Variants in PPP5C observed in about 807,000 individuals in gnomAD.
The protein encoded by PPP5C is protein phosphatase 5 catalytic subunit, also known as serine/threonine-protein phosphatase 5.
Under a neutral mutation model 66.7 loss-of-function variants are expected in PPP5C, and 21 were observed. The observed-to-expected ratio is 0.31, with a 90% CI of 0.22 to 0.45. The LOEUF (loss-of-function observed/expected upper bound fraction) is 0.45, where lower values mean the gene tolerates loss of function less well. Among genes scored for constraint, PPP5C ranks in the 20% least tolerant of loss-of-function variants. The pLI is 1.00. For synonymous variants in PPP5C, 246 were observed against 257.4 expected (o/e 0.96, Z 0.43); for missense variants, 464 against 675.9 (o/e 0.69, Z 3.48).
Position 46,388,894 on chromosome 19 carries a change from TG to T in PPP5C, c.1355+167del. Among the ~76,000 whole-genome samples the T allele has an allele frequency of 6.6e-6, 1 of 152,148 alleles. No individual in the cohort carries two copies. The highest frequency in any genetic ancestry group is 1.9e-4 in the East Asian group (1 of 5,170). On this transcript the variant is annotated intron_variant, in intron 11 of 12. Coordinates refer to ENST00000012443, the MANE Select transcript of PPP5C (RefSeq NM_006247.4). The surrounding 1 kb of genome is among the most constrained non-coding windows in gnomAD (Gnocchi z 4.9). ...GTGTCACCCACCCATGCAGCACCAG[TG>T]GGGCCAGCCTGTGAGTGCTGACCAG...
chr19:46,365,644 C>G (rs1972478388), intron 2 of PPP5C, among the ~76,000 whole-genome samples: 3 of 152,142 alleles, frequency 2.0e-5, no homozygotes, highest in Admixed American at 6.5e-5. Context: ...AGAGTCCTTA[C>G]TGGTCTTCTT....
intron 2 of PPP5C, among the ~76,000 whole-genome samples, chr19:46,358,914 T>C (rs1273145235): frequency 6.6e-6 from 1 of 152,198 alleles, no homozygotes; most frequent in Non-Finnish European, 1.5e-5. Flanking sequence ...CTTCGGGGGA[T>C]GAGTTTTTCT....
At chr19:46,389,401 A>AGTGTTGAGTAAGACTCCATCT in intron 11 of PPP5C, among the ~76,000 whole-genome samples, 1 of 23,378 alleles carries the variant, frequency 4.3e-5, no homozygotes, top group African/African-American at 1.2e-4. Context: ...ACACACACAC[A>AGTGTTGAGTAAGACTCCATCT]CACACACACA....
rs111815720 is a variant in PPP5C at position 46,388,678 on chromosome 19, C to T, written c.1302C>T (p.Tyr434=). 6.9e-5 allele frequency: 111 copies of T among 1,614,168 alleles called. 1 individual carries two copies. Among genetic ancestry groups the T allele is most frequent in the Admixed American group, 2.7e-4 (16 of 60,020 alleles). ...GCCACGAAGTCAAGGCCGAGGGCTA[C>T]GAGGTGGCTCACGGAGGCCGCTGTG... The part of the protein sequence containing the change: ...IRSHEVKAEG[Y]EVAHGGRCVT... Residue 434 remains tyrosine, a synonymous_variant, in exon 11 of 13, where the codon TAC becomes TAT. Transcript: ENST00000012443. The surrounding 1 kb of genome is among the most constrained non-coding windows in gnomAD (Gnocchi z 4.9).
chr19:46,360,294 A>G (rs1394991281), intron 2 of PPP5C, among the ~76,000 whole-genome samples: 2 of 152,182 alleles, frequency 1.3e-5, no homozygotes, highest in African/African-American at 4.8e-5. Flanking sequence ...AACATATATT[A>G]ATGAGACCCA....
At position 46,376,638 on chromosome 19, in the gene PPP5C, C is replaced by T. The variant is rs3764612; in HGVS notation, c.633+64C>T. 218 of 1,583,762 alleles carry T rather than the reference C, an allele frequency of 1.4e-4. No homozygotes were observed. In the East Asian group the frequency reaches 4.3e-3, roughly 31 times the overall value. On this transcript the variant is annotated intron_variant, in intron 4 of 12. Transcript: ENST00000012443. This position sits in a 1 kb window ranked among gnomAD's most constrained non-coding sequence, Gnocchi z 5.1. Reference sequence around the variant, plus strand: ...GGGATGGCATCACAGCACTGCCAGCCGCGGGCACTGAGCAAAACGACAGGA... The same window carrying T: ...GGGATGGCATCACAGCACTGCCAGCTGCGGGCACTGAGCAAAACGACAGGA...
intron 1 of PPP5C, among the ~76,000 whole-genome samples, chr19:46,349,299 A>AG (rs900558715): frequency 1.8e-4 from 27 of 152,232 alleles, no homozygotes; most frequent in Admixed American, 1.6e-3. Context: ...AGAAAAAAAA[A>AG]AAGAGAGAAG....
chr19:46,364,928 G>C (rs561208231), intron 2 of PPP5C, among the ~76,000 whole-genome samples: 22 of 151,866 alleles, frequency 1.4e-4, no homozygotes, highest in Non-Finnish European at 2.2e-4. Flanking sequence ...GGGCCGGGGC[G>C]GGGGGGCTGT....
chr19:46,360,342 G>T (rs181086506), intron 2 of PPP5C, among the ~76,000 whole-genome samples: 1 of 151,996 alleles, frequency 6.6e-6, no homozygotes, highest in South Asian at 2.1e-4. Context: ...CATTTCCTAC[G>T]TGACAATACT....
intron 1 of PPP5C, 44 bp from the exon 2 acceptor site, chr19:46,353,704 C>A: frequency 6.2e-7 from 1 of 1,610,474 alleles, no homozygotes; most frequent in South Asian, 1.1e-5. Flanking sequence ...CCTGTCCTCG[C>A]AGGGTTGGAG....
chr19:46,390,240 CTCTGT>C (rs751968051), intron 12 of PPP5C, 39 bp from the exon 13 acceptor site: 13 of 1,598,358 alleles, frequency 8.1e-6, no homozygotes, highest in South Asian at 1.1e-5. Context: ...TGCTCAGGGG[CTCTGT>C]TCTGACTTCT....
At position 46,372,965 on chromosome 19, in the gene PPP5C, A is replaced by G. The variant is rs139648668; in HGVS notation, c.364-2639A>G. 3.8e-3 allele frequency among the ~76,000 whole-genome samples: 580 copies of G among 152,372 alleles called. 2 individuals carry two copies. Among genetic ancestry groups the G allele is most frequent in the Admixed American group, 0.013 (192 of 15,304 alleles). On this transcript the variant is annotated intron_variant, in intron 2 of 12. Coordinates refer to ENST00000012443, the MANE Select transcript of PPP5C (RefSeq NM_006247.4). ...CTAGACCTTGCGTGTCGCAGCAGCT[A>G]CAGTAGCAGCAGGCCTTGGGATGAG...
At position 46,383,141 on chromosome 19, in the gene PPP5C, C is replaced by T. The variant is rs1412725788; in HGVS notation, c.634-270C>T. 7.2e-7 allele frequency: 1 copy of T among 1,398,508 alleles called. No homozygotes were observed. The highest frequency in any genetic ancestry group is 9.4e-7 in the Non-Finnish European group (1 of 1,063,562). 86.6% of individuals were successfully genotyped at this position (1,398,508 alleles called of 1,614,324 possible). A position where few individuals can be genotyped will look rare whatever the true frequency, so the allele number is the denominator to read the frequency against. ...ATCTGGATTCATGCATGTATTTCCA[C>T]TTGATGCTGAGTATTTTAAGATAAT... On this transcript the variant is annotated intron_variant, in intron 4 of 12. Coordinates refer to ENST00000012443, the MANE Select transcript of PPP5C (RefSeq NM_006247.4). This position sits in a 1 kb window ranked among gnomAD's most constrained non-coding sequence, Gnocchi z 5.0.
At chr19:46,353,154 G>A (rs1972220632) in intron 1 of PPP5C, among the ~76,000 whole-genome samples, 1 of 152,300 alleles carries the variant, frequency 6.6e-6, no homozygotes, top group Non-Finnish European at 1.5e-5. Context: ...TGTAAAATGA[G>A]CACCAGATGG....
At chr19:46,348,700 A>T (rs1972129938) in intron 1 of PPP5C, among the ~76,000 whole-genome samples, 1 of 152,116 alleles carries the variant, frequency 6.6e-6, no homozygotes, top group South Asian at 2.1e-4. Context: ...AATGGATGAG[A>T]TCATCTAGTA....
intron 2 of PPP5C, among the ~76,000 whole-genome samples, chr19:46,361,144 T>C (rs1276117217): frequency 2.7e-5 from 4 of 148,720 alleles, no homozygotes; most frequent in Non-Finnish European, 6.0e-5. Flanking sequence ...TTTTTTTTTT[T>C]TTTGAGACGG....
At chr19:46,351,622 A>G (rs568393654) in intron 1 of PPP5C, among the ~76,000 whole-genome samples, 1 of 152,306 alleles carries the variant, frequency 6.6e-6, no homozygotes, top group South Asian at 2.1e-4. Flanking sequence ...CCCCATCAGG[A>G]GCGCGGGCCA....
Position 46,383,511 on chromosome 19 carries a change from G to A in PPP5C, c.699+35G>A, listed in dbSNP as rs2072492. On this transcript the variant is annotated intron_variant, in intron 5 of 12. Coordinates refer to ENST00000012443, the MANE Select transcript of PPP5C (RefSeq NM_006247.4). The surrounding 1 kb of genome is among the most constrained non-coding windows in gnomAD (Gnocchi z 5.0). ...GTGGGGCAGTGCGGGGAGGGCCAGC[G>A]GGGGTGGGCTCTCTGGCTGGGGAGG... The A allele has an allele frequency of 0.04, 61,734 of 1,558,838 alleles. 2,181 individuals carry two copies. Among genetic ancestry groups the A allele is most frequent in the East Asian group, 0.16 (6,609 of 42,404 alleles).
intron 4 of PPP5C, among the ~76,000 whole-genome samples, chr19:46,377,823 A>G (rs1972723219): frequency 6.6e-6 from 1 of 152,214 alleles, no homozygotes; most frequent in African/African-American, 2.4e-5. Flanking sequence ...TGTTGTGTAT[A>G]TCGGTAGCTC....
Sources: gnomAD v4.1 joint callset for allele counts (sites outside exome capture counted in the v4.1 genomes callset) on GRCh38, gnomAD v4.1.1 for gene constraint, Gnocchi (gnomAD v3.1) non-coding constraint, MANE v1.5 for transcripts, NCBI Gene and HGNC (gene_info 2026-07-23, HGNC 2026-07-21) for gene names.